Variants in FAM163B observed in about 807,000 individuals in gnomAD.
FAM163B encodes the protein protein FAM163B.
A neutral mutation model predicts 7.6 loss-of-function variants in FAM163B; 4 were observed. That is an observed-to-expected ratio of 0.52 (90% CI 0.26 to 1.20). The LOEUF (loss-of-function observed/expected upper bound fraction) is 1.20. FAM163B is among the 50% of genes most tolerant of loss of function. FAM163B has a pLI of 0.14. For missense variants in FAM163B, 250 were observed against 243.0 expected, an observed-to-expected ratio of 1.03 and a Z score of -0.19; for synonymous variants, 120 against 111.6, an observed-to-expected ratio of 1.07 and a Z score of -0.47.
At chr9:133,588,629 T>TTAAGGGATCTAGCATGC (rs1831482362) in intron 1 of FAM163B, among the ~76,000 whole-genome samples, 2 of 47,870 alleles carry the variant, frequency 4.2e-5, no homozygotes, top group African/African-American at 7.3e-5. Flanking sequence ...ATCTAGCATG[T>TTAAGGGATCTAGCATGC]TGAGGGATCT....
intron 1 of FAM163B, among the ~76,000 whole-genome samples, chr9:133,607,425 T>C (rs1241187613): frequency 6.6e-6 from 1 of 152,196 alleles, no homozygotes; most frequent in African/African-American, 2.4e-5. Flanking sequence ...CTCCTTGCCC[T>C]ACCTGCTGGA....
At chr9:133,582,344 G>A (rs1831368457) in intron 1 of FAM163B, among the ~76,000 whole-genome samples, 1 of 152,196 alleles carries the variant, frequency 6.6e-6, no homozygotes, top group East Asian at 1.9e-4. Flanking sequence ...TCAGTCCACT[G>A]CAGTCATGAT....
chr9:133,602,085 C>T (rs113927489), intron 1 of FAM163B, among the ~76,000 whole-genome samples: 1 of 151,794 alleles, frequency 6.6e-6, no homozygotes, highest in Non-Finnish European at 1.5e-5. Flanking sequence ...CCCCGCCCCC[C>T]CAAACACACA....
chr9:133,599,843 G>A lies in FAM163B; in HGVS notation c.-24+9234C>T, dbSNP rs368821896. On this transcript the variant is annotated intron_variant, in intron 1 of 2. Transcript: ENST00000673969. ...TGTGCATGAATGTGTGTCTGTGTAC[G>A]AGTGTGTGTGCATGTGTGTGCTAGT... 2.0e-4 allele frequency among the ~76,000 whole-genome samples: 30 copies of A among 150,948 alleles called. 1 individual carries two copies. In the East Asian group the frequency reaches 4.7e-3, roughly 24 times the overall value.
At chr9:133,580,028 C>T (rs1564189661) in intron 2 of FAM163B, 103 bp downstream of exon 2, 2 of 949,174 alleles carry the variant, frequency 2.1e-6, no homozygotes, top group East Asian at 5.2e-5. Context: ...TTCCCCACTT[C>T]CCGGGCCGTG....
intron 1 of FAM163B, among the ~76,000 whole-genome samples, chr9:133,591,733 C>T (rs961788621): frequency 6.6e-6 from 1 of 152,174 alleles, no homozygotes; most frequent in Admixed American, 6.5e-5. Context: ...ACCACTGTCC[C>T]GAAGGATGGC....
chr9:133,583,978 C>T (rs1052855470), intron 1 of FAM163B, among the ~76,000 whole-genome samples: 16 of 152,114 alleles, frequency 1.1e-4, no homozygotes, highest in African/African-American at 3.6e-4. Flanking sequence ...CCCAAAAACA[C>T]GGCCTCCCTG....
chr9:133,580,813 C>T (rs1831345126), intron 1 of FAM163B, among the ~76,000 whole-genome samples: 2 of 152,196 alleles, frequency 1.3e-5, no homozygotes, highest in African/African-American at 4.8e-5. Context: ...CCATCTTCAC[C>T]ATTTGTACGT....
At chr9:133,579,492 A>T (rs1006352995) in intron 2 of FAM163B, 63 bp from the exon 3 acceptor site, 1 of 1,495,342 alleles carries the variant, frequency 6.7e-7, no homozygotes, top group Middle Eastern at 1.7e-4. Flanking sequence ...GACATGTGGG[A>T]AAGGCTACCC....
chr9:133,578,186 G>A lies in FAM163B; in HGVS notation c.*836C>T, dbSNP rs931365467. Among the ~76,000 whole-genome samples the A allele has an allele frequency of 1.4e-4, 22 of 152,272 alleles. No homozygotes were observed. The East Asian group carries it at 1.7e-3, about 12-fold the overall frequency. Reference sequence around the variant, plus strand: ...CCTGGGCCATGGCTCTGCCCCTGACGAGCCCCGGGCTGCCTCCGTTCACTG... The same window carrying A: ...CCTGGGCCATGGCTCTGCCCCTGACAAGCCCCGGGCTGCCTCCGTTCACTG... On this transcript the variant is annotated 3_prime_UTR_variant, in exon 3 of 3. Coordinates refer to ENST00000673969, the MANE Select transcript of FAM163B (RefSeq NM_001080515.3).
chr9:133,587,963 G>A (rs975644085), intron 1 of FAM163B, among the ~76,000 whole-genome samples: 58 of 144,038 alleles, frequency 4.0e-4, no homozygotes, highest in African/African-American at 1.4e-3. Context: ...GAACGGGGGC[G>A]CGAACGGGGG....
At chr9:133,580,448 C>T (rs1403295611) in intron 1 of FAM163B, among the ~76,000 whole-genome samples, 1 of 152,234 alleles carries the variant, frequency 6.6e-6, no homozygotes, top group Non-Finnish European at 1.5e-5. Context: ...GTCCCTGCCC[C>T]TCTCCCAGCC....
chr9:133,580,580 C>T (rs796148016), intron 1 of FAM163B, among the ~76,000 whole-genome samples: 45 of 152,344 alleles, frequency 3.0e-4, no homozygotes, highest in African/African-American at 1.1e-3. Flanking sequence ...TCCAGCCTGG[C>T]TCTACAAGCT....
chr9:133,586,528 C>G (rs1319250481), intron 1 of FAM163B, among the ~76,000 whole-genome samples: 1 of 152,316 alleles, frequency 6.6e-6, no homozygotes, highest in African/African-American at 2.4e-5. Flanking sequence ...TGGGGTTTCA[C>G]AGATTTCTAG....
chr9:133,579,143 C>T lies in FAM163B; in HGVS notation c.380G>A (p.Ser127Asn). The T allele has an allele frequency of 1.2e-6, 2 of 1,609,896 alleles. No homozygotes were observed. The highest frequency in any genetic ancestry group is 1.7e-6 in the Non-Finnish European group (2 of 1,179,776). Residue 127 changes from serine (S) to asparagine (N), a missense_variant, in exon 3 of 3, where the codon AGC (serine) becomes AAC (asparagine). By Grantham distance (46) the Ser-to-Asn change is conservative (BLOSUM62 1). Coordinates refer to ENST00000673969, the MANE Select transcript of FAM163B (RefSeq NM_001080515.3). ...GGERVLYKSVSQEDVELPPGG... is the reference protein window; with the variant it reads ...GGERVLYKSVNQEDVELPPGG... ...CGGGGGCAGCTCCACGTCCTCCTGG[C>T]TCACGCTCTTGTAGAGCACGCGCTC...
rs941849387 is a variant in FAM163B at position 133,601,387 on chromosome 9, G to A, written c.-24+7690C>T. Among the ~76,000 whole-genome samples, 6 of 152,290 alleles carry A rather than the reference G, an allele frequency of 3.9e-5. No individual in the cohort carries two copies. The highest frequency in any genetic ancestry group is 1.4e-4 in the African/African-American group (6 of 41,546). ...AGATTGGGCTCAGCCATTTTTAAAC[G>A]AGTGGAGGTGTGCTGTTGAAAGGGT... On this transcript the variant is annotated intron_variant, in intron 1 of 2. Transcript: ENST00000673969. This position sits in a 1 kb window ranked among gnomAD's most constrained non-coding sequence, Gnocchi z 4.1.
chr9:133,587,896 T>C (rs1400854845), intron 1 of FAM163B, among the ~76,000 whole-genome samples: 2 of 146,612 alleles, frequency 1.4e-5, no homozygotes, highest in African/African-American at 5.0e-5. Context: ...GGGATCTCCC[T>C]GGGAGCCCCT....
In FAM163B at chr9:133,577,261, T is replaced by G. The variant is rs1058713; in HGVS notation, c.*1761A>C. Among the ~76,000 whole-genome samples the G allele has an allele frequency of 6.7e-6, 1 of 149,144 alleles. No homozygotes were observed. Among genetic ancestry groups the G allele is most frequent in the African/African-American group, 2.5e-5 (1 of 39,996 alleles). The stretch of plus-strand genomic sequence containing the variant: ...AATTGGGAAATGGAATCATGAGGGC[T>G]GGGCCCTCATCCCCACCCCACCCAG... On this transcript the variant is annotated 3_prime_UTR_variant, in exon 3 of 3. Coordinates refer to ENST00000673969, the MANE Select transcript of FAM163B (RefSeq NM_001080515.3).
In FAM163B at chr9:133,600,051, G is replaced by T. The variant is rs1831695498; in HGVS notation, c.-24+9026C>A. ...ATGTATGTGTGGTCTGTGTGGATGT[G>T]TGTGAGTTTGTGTGTGCATGTGTGT... On this transcript the variant is annotated intron_variant, in intron 1 of 2. Coordinates refer to ENST00000673969, the MANE Select transcript of FAM163B (RefSeq NM_001080515.3). The surrounding 1 kb of genome is among the most constrained non-coding windows in gnomAD (Gnocchi z 4.9). Among the ~76,000 whole-genome samples, 1 of 145,490 alleles carries T rather than the reference G, an allele frequency of 6.9e-6. No homozygotes were observed.
Sources: allele counts gnomAD v4.1 joint callset (sites outside exome capture counted in the v4.1 genomes callset), GRCh38; gene constraint gnomAD v4.1.1; non-coding constraint Gnocchi (gnomAD v3.1); transcripts MANE v1.5; gene names NCBI Gene and HGNC (gene_info 2026-07-23, HGNC 2026-07-21).